TPRG1: variants seen among roughly 807,000 people sequenced by gnomAD.
The protein encoded by TPRG1 is tumor protein p63-regulated gene 1 protein.
TPRG1 carries 29 observed loss-of-function variants against 29.3 expected under a neutral mutation model. That is an observed-to-expected ratio of 0.99 (90% confidence interval 0.74 to 1.35). The LOEUF is 1.35. Ranked by LOEUF, TPRG1 falls within the 40% of genes most tolerant of loss-of-function variation. The pLI is 0.00. For synonymous variants in TPRG1, 130 were observed against 116.8 expected, an observed-to-expected ratio of 1.11 and a Z score of -0.73; for missense variants, 327 against 335.0, an observed-to-expected ratio of 0.98 and a Z score of 0.19.
chr3:189,226,961 T>A (rs1737841803), intron 3 of TPRG1, among the ~76,000 whole-genome samples: 1 of 151,874 alleles, frequency 6.6e-6, no homozygotes, highest in African/African-American at 2.4e-5. Context: ...ACAACTCAGA[T>A]GAAACAAACC....
At chr3:189,088,532 C>A (rs1482893667) in intron 4 of TPRG1, among the ~76,000 whole-genome samples, 1 of 152,186 alleles carries the variant, frequency 6.6e-6, no homozygotes, top group African/African-American at 2.4e-5. Flanking sequence ...GAACTTCCAA[C>A]ACTAATTCAT....
Position 189,262,509 on chromosome 3 carries a change from C to T in TPRG1, c.479+23600C>T, listed in dbSNP as rs564765851. On this transcript the variant is annotated intron_variant, in intron 4 of 5. Coordinates refer to ENST00000345063, the MANE Select transcript of TPRG1 (RefSeq NM_198485.4). ...GGCTGGGCAGTATGATCCCATTGTG[C>T]TCAGAGAGTCAGATTTTCTGTTCTC... Among the ~76,000 whole-genome samples, 23 of 152,150 alleles carry T rather than the reference C, an allele frequency of 1.5e-4. No individual in the cohort carries two copies. In the East Asian group the frequency reaches 4.4e-3, roughly 29 times the overall value.
chr3:189,207,340 C>T (rs756573536), intron 1 of TPRG1, 36 bp from the exon 2 acceptor site: 1 of 1,610,324 alleles, frequency 6.2e-7, no homozygotes, highest in Non-Finnish European at 8.5e-7. Flanking sequence ...ACAGAGGTAA[C>T]ATTTTTTCAA....
intron 4 of TPRG1, among the ~76,000 whole-genome samples, chr3:189,091,332 A>G (rs954485400): frequency 1.3e-5 from 2 of 152,174 alleles, no homozygotes; most frequent in Admixed American, 1.3e-4. Flanking sequence ...ATTTGTATAT[A>G]ATATCATGTA....
At chr3:189,301,710 A>G (rs1384691974) in intron 4 of TPRG1, among the ~76,000 whole-genome samples, 1 of 152,188 alleles carries the variant, frequency 6.6e-6, no homozygotes, top group Non-Finnish European at 1.5e-5. Flanking sequence ...CTTGGCCTGG[A>G]GACCAAGGAG....
intron 1 of TPRG1, among the ~76,000 whole-genome samples, chr3:189,112,508 G>A (rs1254262470): frequency 6.6e-6 from 1 of 152,146 alleles, no homozygotes; most frequent in Non-Finnish European, 1.5e-5. Flanking sequence ...TATGGTTTTA[G>A]GTCTAACGTT....
chr3:189,312,766 A>G (rs138938194), intron 5 of TPRG1, among the ~76,000 whole-genome samples: 1 of 152,370 alleles, frequency 6.6e-6, no homozygotes, highest in Non-Finnish European at 1.5e-5. Context: ...CAAAGAGGGT[A>G]TGGAATATTA....
chr3:189,089,513 A>G (rs575928465), intron 4 of TPRG1, among the ~76,000 whole-genome samples: 1 of 152,302 alleles, frequency 6.6e-6, no homozygotes, highest in African/African-American at 2.4e-5. Context: ...GTTATTGATA[A>G]GAAATTTATT....
At chr3:189,305,564 G>T (rs1721495624) in intron 4 of TPRG1, among the ~76,000 whole-genome samples, 1 of 151,980 alleles carries the variant, frequency 6.6e-6, no homozygotes, top group Non-Finnish European at 1.5e-5. Flanking sequence ...AACTTCTATT[G>T]GTCTGCTATG....
chr3:189,249,549 C>T (rs996628609), intron 4 of TPRG1, among the ~76,000 whole-genome samples: 3 of 151,866 alleles, frequency 2.0e-5, no homozygotes, highest in Non-Finnish European at 4.4e-5. Context: ...AACCTATTTA[C>T]ATATATTAGT....
At chr3:189,092,774 A>T (rs944995977) in intron 4 of TPRG1, among the ~76,000 whole-genome samples, 1 of 152,186 alleles carries the variant, frequency 6.6e-6, no homozygotes, top group African/African-American at 2.4e-5. Context: ...TGACCAGCAC[A>T]GCTGATAATG....
rs1229069635 is a variant in TPRG1, at chr3:189,323,090, A to G, written c.*2270A>G. 6.6e-6 allele frequency: 1 copy of G among 152,120 alleles called. No individual in the cohort carries two copies. The highest frequency in any genetic ancestry group is 6.6e-5 in the Admixed American group (1 of 15,258). 9.4% of individuals were successfully genotyped at this position (152,120 alleles called of 1,614,324 possible). A position where few individuals can be genotyped will look rare whatever the true frequency, so the allele number is the denominator to read the frequency against. On this transcript the variant is annotated 3_prime_UTR_variant, in exon 6 of 6. Transcript: ENST00000345063. The stretch of plus-strand genomic sequence containing the variant: ...TAAGAAAGAACTTCTTATAGTTATA[A>G]ATTTTCAATGATGGAATGGGTTGCT...
At chr3:189,212,594 G>A (rs116641642) in intron 2 of TPRG1, among the ~76,000 whole-genome samples, 4,107 of 152,016 alleles carry the variant, frequency 0.027, 209 homozygotes, top group African/African-American at 0.095. Context: ...TGAGAGCAGA[G>A]GACTAACCAC....
intron 5 of TPRG1, among the ~76,000 whole-genome samples, chr3:189,160,159 G>T (rs1195597131): frequency 2.6e-5 from 4 of 152,144 alleles, no homozygotes; most frequent in African/African-American, 4.8e-5. Context: ...GCACCTCTGG[G>T]AGAATGGGTC....
rs547592185 is a variant in TPRG1, at chr3:189,106,592, C to A, written c.-744+6388C>A. On this transcript the variant is annotated intron_variant, in intron 1 of 6. Coordinates refer to the TPRG1 transcript ENST00000412373. ...CTTGTTTACTGTGGAATCCCCAGTGCCTGGCAGAGAGGCTGGTTTGTGTTG... is the reference window on the plus strand; with the variant it reads ...CTTGTTTACTGTGGAATCCCCAGTGACTGGCAGAGAGGCTGGTTTGTGTTG... 1.3e-4 allele frequency among the ~76,000 whole-genome samples: 20 copies of A among 152,170 alleles called. No individual in the cohort carries two copies. The South Asian group carries it at 3.9e-3, about 30-fold the overall frequency.
At chr3:189,178,156 A>AAAGAAAATG (rs1342463118) in intron 1 of TPRG1, among the ~76,000 whole-genome samples, 1 of 152,218 alleles carries the variant, frequency 6.6e-6, no homozygotes, top group Non-Finnish European at 1.5e-5. Context: ...CTTATTTATA[A>AAAGAAAATG]AAGAAAATGG....
At chr3:189,188,296 T>C (rs1164781587) in intron 1 of TPRG1, among the ~76,000 whole-genome samples, 1 of 152,188 alleles carries the variant, frequency 6.6e-6, no homozygotes, top group East Asian at 1.9e-4. Context: ...TTTTGACCTC[T>C]TCTCAGAGAA....
chr3:189,172,941 CTG>C (rs1370730491), intron 1 of TPRG1, among the ~76,000 whole-genome samples: 1 of 152,156 alleles, frequency 6.6e-6, no homozygotes, highest in Non-Finnish European at 1.5e-5. Flanking sequence ...TTCAGTCACA[CTG>C]TGGTATGTAG....
chr3:189,253,397 A>G (rs1742587453), intron 4 of TPRG1, among the ~76,000 whole-genome samples: 1 of 152,192 alleles, frequency 6.6e-6, no homozygotes, highest in East Asian at 1.9e-4. Context: ...GATGGTTTCC[A>G]GCTTCATCCA....
Sources: gnomAD v4.1 joint callset for allele counts (sites outside exome capture counted in the v4.1 genomes callset) on GRCh38, gnomAD v4.1.1 for gene constraint, MANE v1.5 for transcripts, NCBI Gene and HGNC (gene_info 2026-07-23, HGNC 2026-07-21) for gene names.